TRIM44: variants seen among roughly 807,000 people sequenced by gnomAD.
The protein encoded by TRIM44 is tripartite motif containing 44.
In TRIM44, 13 loss-of-function variants were observed where a neutral mutation model predicts 37.4. The ratio of observed to expected loss-of-function variants is 0.35; its 90% confidence interval spans 0.23 to 0.55. The LOEUF is 0.55. Ranked by LOEUF, TRIM44 falls within the 20% of genes least tolerant of loss-of-function variation. The pLI, the probability that TRIM44 is intolerant of heterozygous loss-of-function variation, is 0.89. For missense variants in TRIM44, 426 were observed against 437.2 expected (o/e 0.97, Z 0.23); for synonymous variants, 175 against 157.2 (o/e 1.11, Z -0.85).
chr11:35,700,730 CA>C (rs1459718271), intron 2 of TRIM44, among the ~76,000 whole-genome samples: 1 of 152,158 alleles, frequency 6.6e-6, no homozygotes, highest in African/African-American at 2.4e-5. Context: ...ACCTTCTTTG[CA>C]TAGCTAGGGG....
rs922234182 is a variant in TRIM44 at position 35,815,969 on chromosome 11, A to G, written c.*9584A>G. 2.0e-5 allele frequency: 3 copies of G among 152,194 alleles called. No homozygotes were observed. Among genetic ancestry groups the G allele is most frequent in the South Asian group, 2.1e-4 (1 of 4,836 alleles). The allele number at this position is 152,194 out of a possible 1,614,324, so 9.4% of individuals were successfully genotyped here. On this transcript the variant is annotated 3_prime_UTR_variant, in exon 5 of 5. Coordinates refer to ENST00000299413, the MANE Select transcript of TRIM44 (RefSeq NM_017583.6). ...TGAAACAGCCTCATGAGGACATGCA[A>G]AACTGCTGTCTATCTTCAGACCTGG...
intron 2 of TRIM44, among the ~76,000 whole-genome samples, chr11:35,699,864 C>A (rs1021299894): frequency 3.9e-5 from 6 of 151,910 alleles, no homozygotes; most frequent in African/African-American, 7.3e-5. Flanking sequence ...TTCAAAGAGA[C>A]TAAAATATCT....
intron 4 of TRIM44, among the ~76,000 whole-genome samples, chr11:35,757,793 A>G (rs546789023): frequency 6.6e-6 from 1 of 152,108 alleles, no homozygotes; most frequent in Non-Finnish European, 1.5e-5. Flanking sequence ...TTCAGTTTCC[A>G]TGTAGTTGAG....
chr11:35,802,588 A>G (rs1853384865), intron 4 of TRIM44, among the ~76,000 whole-genome samples: 1 of 152,176 alleles, frequency 6.6e-6, no homozygotes, highest in African/African-American at 2.4e-5. Context: ...CTGGAAAGTA[A>G]TTACATACCA....
intron 4 of TRIM44, 72 bp from the exon 5 acceptor site, chr11:35,806,286 A>G (rs1237490258): frequency 9.7e-6 from 15 of 1,546,524 alleles, no homozygotes; most frequent in Admixed American, 5.0e-5. Context: ...AGTCTGTGCT[A>G]TCAACCAGTA....
intron 2 of TRIM44, among the ~76,000 whole-genome samples, chr11:35,687,992 G>A (rs770597570): frequency 2.0e-5 from 3 of 152,120 alleles, no homozygotes; most frequent in Non-Finnish European, 4.4e-5. Flanking sequence ...GTCAGGAATG[G>A]GGGTAAAAAA....
chr11:35,785,791 T>A (rs896817266), intron 4 of TRIM44, among the ~76,000 whole-genome samples: 3 of 152,222 alleles, frequency 2.0e-5, no homozygotes, highest in African/African-American at 4.8e-5. Context: ...ATCCTACACA[T>A]GTCTTTTGCC....
chr11:35,787,149 G>C lies in TRIM44; in HGVS notation c.1008-19209G>C, dbSNP rs1346073719. ...GGGCGGGCATGGGGACGAGAGGAGG[G>C]AGCAAGGCTCTGCTCCAGCAAAGCG... is the stretch of plus-strand genomic sequence containing the variant. On this transcript the variant is annotated intron_variant, in intron 4 of 4. Transcript: ENST00000299413. Among the ~76,000 whole-genome samples the C allele has an allele frequency of 2.0e-5, 3 of 152,186 alleles. No homozygotes were observed. In the East Asian group the frequency reaches 5.8e-4, roughly 29 times the overall value.
intron 2 of TRIM44, among the ~76,000 whole-genome samples, chr11:35,725,395 G>A (rs756949660): frequency 6.6e-6 from 1 of 152,088 alleles, no homozygotes; most frequent in Non-Finnish European, 1.5e-5. Context: ...GTGCAGTGGT[G>A]CGATCTGGGC....
chr11:35,799,124 C>A (rs570055723), intron 4 of TRIM44, among the ~76,000 whole-genome samples: 2 of 152,248 alleles, frequency 1.3e-5, no homozygotes, highest in Admixed American at 1.3e-4. Context: ...TACAAGCCTG[C>A]CTGTTACTTC....
chr11:35,746,522 C>T (rs565197832), intron 4 of TRIM44, among the ~76,000 whole-genome samples: 1 of 138,960 alleles, frequency 7.2e-6, no homozygotes, highest in East Asian at 2.2e-4. Flanking sequence ...GCTGAAACAG[C>T]AGGCATCTGT....
chr11:35,721,070 A>G (rs1852101443), intron 2 of TRIM44, among the ~76,000 whole-genome samples: 1 of 151,908 alleles, frequency 6.6e-6, no homozygotes, highest in Non-Finnish European at 1.5e-5. Context: ...CACCCAGCTA[A>G]ATTTTGTATT....
intron 2 of TRIM44, among the ~76,000 whole-genome samples, chr11:35,715,349 A>G (rs1852025545): frequency 6.6e-6 from 1 of 151,960 alleles, no homozygotes; most frequent in South Asian, 2.1e-4. Flanking sequence ...TAGGCCCTTT[A>G]AAGTACAAAG....
At chr11:35,664,358 G>A (rs1323936362) in intron 1 of TRIM44, among the ~76,000 whole-genome samples, 2 of 152,230 alleles carry the variant, frequency 1.3e-5, no homozygotes, top group African/African-American at 2.4e-5. Context: ...AAGTTCCCAT[G>A]TCCTCTGTCT....
In TRIM44 at chr11:35,663,119, C is replaced by T. The variant is rs1414783626; in HGVS notation, c.8C>T (p.Ser3Phe). The T allele has an allele frequency of 6.6e-7, 1 of 1,524,426 alleles. No homozygotes were observed. The highest frequency in any genetic ancestry group is 8.8e-7 in the Non-Finnish European group (1 of 1,140,630). 94.4% of individuals were successfully genotyped at this position (1,524,426 alleles called of 1,614,324 possible). A position where few individuals can be genotyped will look rare whatever the true frequency, so the allele number is the denominator to read the frequency against. ...CCGCGTCACAGCACCCACATGGCCT[C>T]TGGAGTGGGCGCGGCCTTCGAGGAA... MA[S>F]GVGAAFEELP... The change falls in exon 1 of 5, where the codon TCT becomes TTT. Residue 3 changes from serine to phenylalanine, a missense_variant. Around this residue, in one of 2 missense-constraint regions of TRIM44, gnomAD observed 331 missense variants for 303.0 expected, o/e 1.09. Transcript: ENST00000299413.
intron 2 of TRIM44, among the ~76,000 whole-genome samples, chr11:35,703,074 G>A (rs542337848): frequency 1.2e-4 from 18 of 152,184 alleles, no homozygotes; most frequent in South Asian, 4.1e-4. Flanking sequence ...CTTTTCCGAC[G>A]GGCTTAAAAA....
In TRIM44 at chr11:35,807,580, A is replaced by G. The variant is rs1445143429; in HGVS notation, c.*1195A>G. Reference sequence around the variant, plus strand: ...GCTCCCGAGTAAGCAGGGATGTACTAGGGGAATGTAAAACTGCAAACTTAA... The same window carrying G: ...GCTCCCGAGTAAGCAGGGATGTACTGGGGGAATGTAAAACTGCAAACTTAA... On this transcript the variant is annotated 3_prime_UTR_variant, in exon 5 of 5. Transcript: ENST00000299413. The G allele has an allele frequency of 1.3e-5, 2 of 152,196 alleles. No homozygotes were observed. The highest frequency in any genetic ancestry group is 1.5e-5 in the Non-Finnish European group (1 of 68,026). 9.4% of individuals were successfully genotyped at this position (152,196 alleles called of 1,614,324 possible).
intron 1 of TRIM44, among the ~76,000 whole-genome samples, chr11:35,677,345 C>T (rs1418387359): frequency 6.6e-6 from 1 of 151,682 alleles, no homozygotes; most frequent in Non-Finnish European, 1.5e-5. Flanking sequence ...TTCTGAATAT[C>T]CTAAAACTAT....
chr11:35,704,031 A>G (rs1237174798), intron 2 of TRIM44, among the ~76,000 whole-genome samples: 5 of 152,120 alleles, frequency 3.3e-5, no homozygotes, highest in Non-Finnish European at 7.4e-5. Context: ...AGACGAATGT[A>G]TAACTAGAAT....
Sources: gnomAD v4.1 joint callset for allele counts (sites outside exome capture counted in the v4.1 genomes callset) on GRCh38, gnomAD v4.1.1 for gene constraint, gnomAD v4.1.1 regional missense constraint, MANE v1.5 for transcripts, NCBI Gene and HGNC (gene_info 2026-07-23, HGNC 2026-07-21) for gene names.